Variants in IGF2BP3 observed in about 807,000 individuals in gnomAD.
IGF2BP3 encodes insulin-like growth factor 2 mRNA-binding protein 3.
IGF2BP3 carries 9 observed loss-of-function variants against 73.8 expected under a neutral mutation model. That is an observed-to-expected ratio of 0.12 (90% confidence interval 0.07 to 0.21). IGF2BP3 has a LOEUF of 0.21. Among genes scored for constraint, IGF2BP3 ranks in the 10% least tolerant of loss-of-function variants. The probability of loss-of-function intolerance (pLI) is 1.00; values close to 1 mark genes in which losing one functional copy is unlikely to be tolerated. For synonymous variants in IGF2BP3, 258 were observed against 256.7 expected (o/e 1.01, Z -0.05); for missense variants, 542 against 714.0 (o/e 0.76, Z 2.75).
At position 23,430,466 on chromosome 7, in the gene IGF2BP3, G is replaced by A. The variant is rs1787644880; in HGVS notation, c.237-11642C>T. Among the ~76,000 whole-genome samples the A allele has an allele frequency of 2.0e-5, 3 of 152,330 alleles. No homozygotes were observed. In the South Asian group the frequency reaches 6.2e-4, roughly 32 times the overall value. On this transcript the variant is annotated intron_variant, in intron 2 of 14. Transcript: ENST00000258729. ...AAGCCTTATGGCTCAAAGCAGTCTA[G>A]CATGGGCTTTCCAACCCGCCACTTG... is the stretch of plus-strand genomic sequence containing the variant.
intron 10 of IGF2BP3, among the ~76,000 whole-genome samples, chr7:23,338,905 G>T (rs1199226520): frequency 6.6e-6 from 1 of 152,236 alleles, no homozygotes; most frequent in Non-Finnish European, 1.5e-5. Flanking sequence ...AAAATATTCA[G>T]TTATAAAGTT....
chr7:23,400,208 G>T (rs1786614527), intron 3 of IGF2BP3, among the ~76,000 whole-genome samples: 1 of 152,122 alleles, frequency 6.6e-6, no homozygotes, highest in Non-Finnish European at 1.5e-5. Context: ...ATTACTTTTT[G>T]CTGATCACAA....
intron 10 of IGF2BP3, among the ~76,000 whole-genome samples, chr7:23,325,138 G>C (rs1462505835): frequency 6.6e-6 from 1 of 152,110 alleles, no homozygotes; most frequent in Non-Finnish European, 1.5e-5. Flanking sequence ...AATTGTCCCT[G>C]TTTGCAGATG....
At chr7:23,404,179 C>G (rs1385603101) in intron 3 of IGF2BP3, among the ~76,000 whole-genome samples, 1 of 151,316 alleles carries the variant, frequency 6.6e-6, no homozygotes, top group Non-Finnish European at 1.5e-5. Flanking sequence ...TATTGCTCTG[C>G]TCATAATCGA....
chr7:23,361,129 A>C (rs913027243), intron 5 of IGF2BP3, among the ~76,000 whole-genome samples: 3 of 152,218 alleles, frequency 2.0e-5, no homozygotes, highest in Non-Finnish European at 4.4e-5. Context: ...AAGAAGACTT[A>C]TCATTTAACA....
At chr7:23,348,449 CTT>C (rs2128503774) in intron 6 of IGF2BP3, among the ~76,000 whole-genome samples, 1 of 152,276 alleles carries the variant, frequency 6.6e-6, no homozygotes, top group South Asian at 2.1e-4. Context: ...ACACTCAACA[CTT>C]TTGGTAGGAG....
At chr7:23,393,865 C>T (rs374985308) in intron 3 of IGF2BP3, among the ~76,000 whole-genome samples, 7 of 152,048 alleles carry the variant, frequency 4.6e-5, no homozygotes, top group Non-Finnish European at 8.8e-5. Flanking sequence ...CCTCCTGCTG[C>T]GGAAGGAAGG....
chr7:23,396,635 G>A (rs1300105005), intron 3 of IGF2BP3: 1 of 152,132 alleles, frequency 6.6e-6, no homozygotes, highest in Non-Finnish European at 1.5e-5. Context: ...TGTCTAAATT[G>A]AGGGCTAAAT....
chr7:23,392,433 C>CATATATAT lies in IGF2BP3; in HGVS notation c.285+26335_285+26342dup, dbSNP rs141882109. ...AAAAAAGACAAGGACAGCTTATCAT[C>CATATATAT]ATATATATATATATATATACACACA... On this transcript the variant is annotated intron_variant, in intron 3 of 14. Transcript: ENST00000258729. Among the ~76,000 whole-genome samples, 668 of 141,916 alleles carry CATATATAT rather than the reference C, an allele frequency of 4.7e-3. 5 individuals are homozygous for CATATATAT. The highest frequency in any genetic ancestry group is 0.027 in the East Asian group (132 of 4,934). 93.1% of individuals were successfully genotyped at this position (141,916 alleles called of 152,430 possible).
intron 3 of IGF2BP3, among the ~76,000 whole-genome samples, chr7:23,390,043 C>T (rs762471097): frequency 3.3e-5 from 5 of 152,006 alleles, no homozygotes; most frequent in East Asian, 1.9e-4. Context: ...AGTGAAATAA[C>T]GATGCTAGTT....
At chr7:23,351,171 A>G (rs1441258577) in intron 6 of IGF2BP3, 134 bp downstream of exon 6, 1 of 875,898 alleles carries the variant, frequency 1.1e-6, no homozygotes, top group Admixed American at 2.8e-5. Flanking sequence ...CAAGATTTTT[A>G]CACATTCCCA....
At chr7:23,454,401 T>A (rs528993923) in intron 2 of IGF2BP3, among the ~76,000 whole-genome samples, 16 of 152,226 alleles carry the variant, frequency 1.1e-4, no homozygotes, top group African/African-American at 3.9e-4. Flanking sequence ...CTCCTATGTC[T>A]CCGTATATAT....
At chr7:23,320,644 TA>T (rs35291021) in intron 10 of IGF2BP3, among the ~76,000 whole-genome samples, 2,992 of 115,320 alleles carry the variant, frequency 0.026, 72 homozygotes, top group African/African-American at 0.081. Flanking sequence ...TGCTTTTGTT[TA>T]AAAAAAAAAA....
chr7:23,383,238 C>A (rs563269629), intron 3 of IGF2BP3, among the ~76,000 whole-genome samples: 6 of 152,180 alleles, frequency 3.9e-5, no homozygotes, highest in Non-Finnish European at 8.8e-5. Context: ...TAGATGTTTA[C>A]ATGCAGGCTA....
intron 3 of IGF2BP3, among the ~76,000 whole-genome samples, chr7:23,411,684 A>G (rs1468909613): frequency 6.6e-6 from 1 of 152,232 alleles, no homozygotes; most frequent in Non-Finnish European, 1.5e-5. Flanking sequence ...AACAATCAGC[A>G]GTTGGACAGA....
intron 2 of IGF2BP3, among the ~76,000 whole-genome samples, chr7:23,425,897 T>C (rs1787494422): frequency 6.7e-6 from 1 of 150,332 alleles, no homozygotes; most frequent in African/African-American, 2.5e-5. Flanking sequence ...CCTAGGGAGG[T>C]CGAGGCTGCA....
intron 2 of IGF2BP3, among the ~76,000 whole-genome samples, chr7:23,451,348 C>T (rs1196116015): frequency 2.0e-5 from 3 of 151,728 alleles, no homozygotes; most frequent in East Asian, 3.9e-4. Context: ...AACCCAGAAG[C>T]GGAGGCTGCA....
chr7:23,417,433 C>T (rs938305391), intron 3 of IGF2BP3, among the ~76,000 whole-genome samples: 7 of 152,058 alleles, frequency 4.6e-5, no homozygotes, highest in African/African-American at 7.2e-5. Flanking sequence ...AAGTTAGATA[C>T]GGCAAATACC....
intron 2 of IGF2BP3, among the ~76,000 whole-genome samples, chr7:23,443,938 G>T (rs543178780): frequency 6.6e-6 from 1 of 152,184 alleles, no homozygotes. Context: ...GAACCCAGGA[G>T]GCGGAGGATG....
Sources: gnomAD v4.1 joint callset for allele counts (sites outside exome capture counted in the v4.1 genomes callset) on GRCh38, gnomAD v4.1.1 for gene constraint, MANE v1.5 for transcripts, NCBI Gene and HGNC (gene_info 2026-07-23, HGNC 2026-07-21) for gene names.